Variants in CEP95 observed in about 807,000 individuals in gnomAD.
CEP95 encodes centrosomal protein 95.
CEP95 carries 98 observed loss-of-function variants against 111.2 expected under a neutral mutation model. The observed-to-expected ratio is 0.88, with a 90% CI of 0.75 to 1.04. The LOEUF (loss-of-function observed/expected upper bound fraction) is 1.04. Among genes scored for constraint, CEP95 ranks in the 50% least tolerant of loss-of-function variants. The probability of loss-of-function intolerance (pLI) is 0.00; values close to 1 mark genes in which losing one functional copy is unlikely to be tolerated. For synonymous variants in CEP95, 323 were observed against 327.1 expected, an observed-to-expected ratio of 0.99 and a Z score of 0.14; for missense variants, 1,027 against 977.2, an observed-to-expected ratio of 1.05 and a Z score of -0.68.
At chr17:64,537,164 C>A in intron 19 of CEP95, 52 bp downstream of exon 19, 1 of 1,589,128 alleles carries the variant, frequency 6.3e-7, no homozygotes, top group Non-Finnish European at 8.6e-7. Flanking sequence ...ATGTTTCTTT[C>A]AGCAAGGGAC....
chr17:64,511,659 C>T (rs1032252382), intron 3 of CEP95, among the ~76,000 whole-genome samples: 1 of 152,170 alleles, frequency 6.6e-6, no homozygotes, highest in Non-Finnish European at 1.5e-5. Context: ...CCTGAGGCTA[C>T]ATACATCCTC....
chr17:64,515,210 G>A (rs1555676087), intron 4 of CEP95, among the ~76,000 whole-genome samples: 1 of 152,164 alleles, frequency 6.6e-6, no homozygotes. Flanking sequence ...CAAGCTGCTT[G>A]TCATGTTGAT....
At chr17:64,507,260 T>C in intron 1 of CEP95, 144 bp downstream of exon 1, 1 of 1,504,190 alleles carries the variant, frequency 6.6e-7, no homozygotes, top group Non-Finnish European at 8.9e-7. Context: ...GTTCCCTGGA[T>C]AGGGTCTCTC....
chr17:64,511,958 A>G (rs1312528031), intron 3 of CEP95, among the ~76,000 whole-genome samples: 1 of 152,216 alleles, frequency 6.6e-6, no homozygotes, highest in Non-Finnish European at 1.5e-5. Context: ...ATTTTAAAGC[A>G]TACTAATGCT....
chr17:64,522,594 A>G (rs958617661), intron 7 of CEP95, 108 bp from the exon 8 acceptor site: 23 of 679,422 alleles, frequency 3.4e-5, no homozygotes, highest in South Asian at 3.1e-4. Flanking sequence ...AGTTTAAAAA[A>G]TATTTCTAAT....
chr17:64,531,973 A>T lies in CEP95; in HGVS notation c.1623A>T (p.Thr541=), dbSNP rs1555680408. 4 of 1,610,824 alleles carry T rather than the reference A, an allele frequency of 2.5e-6. No individual in the cohort carries two copies. The Admixed American group carries it at 6.8e-5, about 27-fold the overall frequency. ...GGAAGATTTACTCTAGAAAAACCACAACGCAGAGTCTAAGAGGTGGCCTCC... is the reference window on the plus strand; with the variant it reads ...GGAAGATTTACTCTAGAAAAACCACTACGCAGAGTCTAAGAGGTGGCCTCC... ...QPWKIYSRKT[T]TQSLRGGLPK... The change falls in exon 14 of 20, where the codon ACA becomes ACT. Residue 541 remains threonine (T), a synonymous_variant. Transcript: ENST00000556440.
chr17:64,520,801 T>C (rs1967268624), intron 6 of CEP95, among the ~76,000 whole-genome samples: 2 of 152,206 alleles, frequency 1.3e-5, no homozygotes, highest in Non-Finnish European at 2.9e-5. Flanking sequence ...TACCAAGACA[T>C]GTCCATAAAA....
chr17:64,534,646 G>A lies in CEP95; in HGVS notation c.1979G>A (p.Arg660Gln), dbSNP rs115608072. 933 of 1,613,762 alleles carry A rather than the reference G, an allele frequency of 5.8e-4. 3 individuals carry two copies. The African/African-American group carries it at 0.011, about 19-fold the overall frequency. Residue 660 changes from arginine to glutamine, a missense_variant, in exon 17 of 20, where the codon CGA becomes CAA. Coordinates refer to ENST00000556440, the MANE Select transcript of CEP95 (RefSeq NM_138363.3). The stretch of plus-strand genomic sequence containing the variant: ...ACCCAATCAAAGATAAAAGAAAATC[G>A]ACAGCAAATCGTTCGTGCTCGAAAA... Reference protein sequence around the residue: ...RLTQSKIKENRQQIVRARKYY... With the variant: ...RLTQSKIKENQQQIVRARKYY...
At chr17:64,506,899 C>T (rs186346374), upstream of CEP95, 11,903 of 669,824 alleles carry the variant, frequency 0.018, 194 homozygotes, top group Admixed American at 0.04. Context: ...CGTTTCACGT[C>T]CTGTGAAAGG....
chr17:64,521,604 AC>A lies in CEP95; in HGVS notation c.715+78del, dbSNP rs1338357055. The A allele has an allele frequency of 2.9e-6, 4 of 1,371,712 alleles. No homozygotes were observed. The African/African-American group carries it at 5.8e-5, about 20-fold the overall frequency. 85.0% of individuals were successfully genotyped at this position (1,371,712 alleles called of 1,614,324 possible). On this transcript the variant is annotated intron_variant, in intron 7 of 19. Transcript: ENST00000556440. The stretch of plus-strand genomic sequence containing the variant: ...AATTGTTGTTGCCATTAGCCTTTTT[AC>A]TTTTATTGCTGTATATGAGATCCTT...
chr17:64,530,143 T>G (rs1307292477), intron 12 of CEP95, among the ~76,000 whole-genome samples: 1 of 152,170 alleles, frequency 6.6e-6, no homozygotes, highest in African/African-American at 2.4e-5. Context: ...CCCTGCACTT[T>G]GGGAGGGTGA....
chr17:64,510,155 G>A lies in CEP95; in HGVS notation c.149-18G>A. ...GCCTCTCATGGATACAAAATTATGT[G>A]ATTTTTTCCCCCCCCAGACCTCATA... On this transcript the variant is annotated intron_variant, in intron 2 of 19. Coordinates refer to ENST00000556440, the MANE Select transcript of CEP95 (RefSeq NM_138363.3). The A allele has an allele frequency of 1.4e-6, 2 of 1,478,498 alleles. No individual in the cohort carries two copies. The highest frequency in any genetic ancestry group is 4.6e-5 in the East Asian group (2 of 43,724). 91.6% of individuals were successfully genotyped at this position (1,478,498 alleles called of 1,614,324 possible). A position where few individuals can be genotyped will look rare whatever the true frequency, so the allele number is the denominator to read the frequency against.
intron 6 of CEP95, 129 bp downstream of exon 6, chr17:64,519,565 A>G (rs1429641464): frequency 1.5e-6 from 1 of 647,866 alleles, no homozygotes; most frequent in Non-Finnish European, 2.7e-6. Flanking sequence ...AAATTCCAGA[A>G]TATCCCACTA....
rs781851961 is a variant in CEP95 at position 64,537,723 on chromosome 17, T to C, written c.2410T>C (p.Phe804Leu). ...CTTCCGGGAACTGGAAGCTGAGCGCTTCAGATCTCGGCTTCAGCTGGCTTC... is the reference window on the plus strand; with the variant it reads ...CTTCCGGGAACTGGAAGCTGAGCGCCTCAGATCTCGGCTTCAGCTGGCTTC... ...VFFRELEAER[F>L]RSRLQLASFQ... The change falls in exon 20 of 20, where the codon TTC becomes CTC. Residue 804 changes from phenylalanine (F) to leucine (L), a missense_variant. Coordinates refer to ENST00000556440, the MANE Select transcript of CEP95 (RefSeq NM_138363.3). 6.2e-7 allele frequency: 1 copy of C among 1,612,212 alleles called. No homozygotes were observed. Among genetic ancestry groups the C allele is most frequent in the Non-Finnish European group, 8.5e-7 (1 of 1,179,064 alleles).
chr17:64,508,392 A>G lies in CEP95; in HGVS notation c.20-200A>G, dbSNP rs1422006791. 5 of 984,428 alleles carry G rather than the reference A, an allele frequency of 5.1e-6. No individual in the cohort carries two copies. In the East Asian group the frequency reaches 5.7e-4, roughly 111 times the overall value. 61.0% of individuals were successfully genotyped at this position (984,428 alleles called of 1,614,324 possible). On this transcript the variant is annotated intron_variant, in intron 1 of 19. Coordinates refer to ENST00000556440, the MANE Select transcript of CEP95 (RefSeq NM_138363.3). ...ATGTAGAAATTACAGCACTCTGGAA[A>G]TCATCCCAAGAAATTAAATACATCT...
At chr17:64,523,916 AAAAC>A (rs1967576509) in intron 8 of CEP95, among the ~76,000 whole-genome samples, 1 of 152,212 alleles carries the variant, frequency 6.6e-6, no homozygotes, top group Non-Finnish European at 1.5e-5. Flanking sequence ...TAAAATAAGA[AAAAC>A]AACAGGCAGG....
intron 18 of CEP95, 80 bp from the exon 19 acceptor site, chr17:64,536,961 A>G: frequency 2.2e-6 from 3 of 1,366,464 alleles, no homozygotes; most frequent in Non-Finnish European, 3.0e-6. Context: ...AATGATTTTA[A>G]GCCTGTGAAC....
intron 16 of CEP95, 111 bp from the exon 17 acceptor site, chr17:64,534,474 C>A: frequency 3.1e-6 from 3 of 974,698 alleles, no homozygotes; most frequent in Non-Finnish European, 3.1e-6. Context: ...GCCCCCCACA[C>A]GTGACATACT....
At chr17:64,537,513 G>A in intron 19 of CEP95, 90 bp from the exon 20 acceptor site, 1 of 1,455,442 alleles carries the variant, frequency 6.9e-7, no homozygotes. Flanking sequence ...TTTTGGAGGA[G>A]TTTGATTAGC....
Sources: gnomAD v4.1 joint callset for allele counts (sites outside exome capture counted in the v4.1 genomes callset) on GRCh38, gnomAD v4.1.1 for gene constraint, MANE v1.5 for transcripts, NCBI Gene and HGNC (gene_info 2026-07-23, HGNC 2026-07-21) for gene names.